GRXCR1: variants seen among roughly 807,000 people sequenced by gnomAD.
GRXCR1 encodes the protein glutaredoxin and cysteine rich domain containing 1.
Under a neutral mutation model 27.3 loss-of-function variants are expected in GRXCR1, and 27 were observed. The ratio of observed to expected loss-of-function variants is 0.99; its 90% CI spans 0.73 to 1.37. The LOEUF (loss-of-function observed/expected upper bound fraction) is 1.37, where lower values mean the gene tolerates loss of function less well. GRXCR1 is among the 40% of genes most tolerant of loss of function. The pLI is 0.00. For synonymous variants in GRXCR1, 122 were observed against 131.1 expected (o/e 0.93, Z 0.47); for missense variants, 379 against 354.4 (o/e 1.07, Z -0.56).
chr4:42,952,339 C>T (rs1747903402), intron 1 of GRXCR1, among the ~76,000 whole-genome samples: 1 of 152,076 alleles, frequency 6.6e-6, no homozygotes. Context: ...AAGAAGAAGG[C>T]AGCTGAGAGC....
At position 42,903,469 on chromosome 4, in the gene GRXCR1, G is replaced by A. The variant is rs1048618444; in HGVS notation, c.384+9819G>A. Reference sequence around the variant, plus strand: ...TGGGACTACAGGCACCCACCACCACGCCAGGCTAATTTTTTGTATTTTTTA... The same window carrying A: ...TGGGACTACAGGCACCCACCACCACACCAGGCTAATTTTTTGTATTTTTTA... On this transcript the variant is annotated intron_variant, in intron 1 of 3. Transcript: ENST00000399770. Among the ~76,000 whole-genome samples the A allele has an allele frequency of 1.2e-4, 17 of 145,716 alleles. 1 individual carries two copies. Among genetic ancestry groups the A allele is most frequent in the Admixed American group, 2.9e-4 (4 of 13,772 alleles).
At chr4:42,931,815 T>C (rs897858638) in intron 1 of GRXCR1, among the ~76,000 whole-genome samples, 1 of 151,948 alleles carries the variant, frequency 6.6e-6, no homozygotes, top group African/African-American at 2.4e-5. Context: ...ATTAGTCTTT[T>C]CTCACGCTGC....
At chr4:42,917,715 C>T (rs1048688642) in intron 1 of GRXCR1, among the ~76,000 whole-genome samples, 3 of 152,040 alleles carry the variant, frequency 2.0e-5, no homozygotes, top group African/African-American at 7.2e-5. Context: ...GAAAGGCTAC[C>T]TTAGTATTTC....
At chr4:42,894,950 A>T (rs1746315217) in intron 1 of GRXCR1, among the ~76,000 whole-genome samples, 1 of 152,148 alleles carries the variant, frequency 6.6e-6, no homozygotes, top group Non-Finnish European at 1.5e-5. Context: ...ATTCATTATG[A>T]TTAACTTAGT....
At chr4:42,999,954 A>G (rs1370007636) in intron 2 of GRXCR1, among the ~76,000 whole-genome samples, 1 of 152,238 alleles carries the variant, frequency 6.6e-6, no homozygotes, top group Non-Finnish European at 1.5e-5. Context: ...AGTATTCCCC[A>G]AACAATCCAA....
intron 2 of GRXCR1, among the ~76,000 whole-genome samples, chr4:42,966,774 G>T (rs747640892): frequency 2.6e-5 from 4 of 151,976 alleles, no homozygotes; most frequent in Non-Finnish European, 4.4e-5. Context: ...GCTTTAATTT[G>T]CCTTTCCCTA....
chr4:42,981,335 C>T (rs1748662549), intron 2 of GRXCR1, among the ~76,000 whole-genome samples: 1 of 152,090 alleles, frequency 6.6e-6, no homozygotes, highest in Non-Finnish European at 1.5e-5. Context: ...TTTTACTCCA[C>T]AATGTGCCCC....
Position 42,898,780 on chromosome 4 carries a change from G to A in GRXCR1, c.384+5130G>A, listed in dbSNP as rs189043568. ...AACATTAATTTATAGGATTTAAAAT[G>A]TTATGTATCCTGAGAAATTCTTATG... On this transcript the variant is annotated intron_variant, in intron 1 of 3. Transcript: ENST00000399770. 1.1e-3 allele frequency among the ~76,000 whole-genome samples: 166 copies of A among 151,656 alleles called. 1 individual carries two copies. The highest frequency in any genetic ancestry group is 4.0e-3 in the African/African-American group (163 of 41,230).
At chr4:42,931,079 C>A (rs1404087205) in intron 1 of GRXCR1, among the ~76,000 whole-genome samples, 1 of 151,500 alleles carries the variant, frequency 6.6e-6, no homozygotes, top group Non-Finnish European at 1.5e-5. Context: ...TCCCTTTTTA[C>A]AAATGGCACT....
intron 2 of GRXCR1, among the ~76,000 whole-genome samples, chr4:43,005,573 C>G (rs910589510): frequency 5.9e-5 from 9 of 152,236 alleles, no homozygotes; most frequent in Middle Eastern, 3.4e-3. Context: ...ATTACCACGG[C>G]AAGATGAGAG....
chr4:42,972,345 T>C (rs1234112387), intron 2 of GRXCR1, among the ~76,000 whole-genome samples: 3 of 152,164 alleles, frequency 2.0e-5, no homozygotes, highest in Non-Finnish European at 4.4e-5. Flanking sequence ...TTTTATTGTT[T>C]TGGATCTTAT....
intron 1 of GRXCR1, among the ~76,000 whole-genome samples, chr4:42,919,038 G>A (rs1746948491): frequency 6.6e-6 from 1 of 152,080 alleles, no homozygotes; most frequent in Non-Finnish European, 1.5e-5. Context: ...ATAATAGCCA[G>A]CATAACCATT....
chr4:43,026,036 G>A (rs1713249468), intron 3 of GRXCR1, among the ~76,000 whole-genome samples: 1 of 138,380 alleles, frequency 7.2e-6, no homozygotes, highest in Non-Finnish European at 1.6e-5. Context: ...TAGTAATGAA[G>A]CCTGTTTTGT....
At chr4:42,903,763 A>G (rs1746522725) in intron 1 of GRXCR1, among the ~76,000 whole-genome samples, 1 of 128,352 alleles carries the variant, frequency 7.8e-6, no homozygotes, top group Non-Finnish European at 1.7e-5. Context: ...ATTTTTTTTC[A>G]GGGAATATTT....
chr4:42,994,114 T>C (rs1188667764), intron 2 of GRXCR1, among the ~76,000 whole-genome samples: 1 of 152,104 alleles, frequency 6.6e-6, no homozygotes, highest in East Asian at 1.9e-4. Context: ...TGGTTCTTTA[T>C]AGAGGATGCA....
chr4:42,922,491 C>T (rs964658670), intron 1 of GRXCR1, among the ~76,000 whole-genome samples: 2 of 152,160 alleles, frequency 1.3e-5, no homozygotes, highest in Middle Eastern at 3.2e-3. Flanking sequence ...GCTCTGGAAG[C>T]AGGCTTGGGC....
chr4:42,971,575 G>T (rs367934126), intron 2 of GRXCR1, among the ~76,000 whole-genome samples: 40 of 151,982 alleles, frequency 2.6e-4, no homozygotes, highest in African/African-American at 9.4e-4. Context: ...GTGAGTGAAG[G>T]GAAAAGTTCC....
At chr4:42,985,294 G>A (rs1898242) in intron 2 of GRXCR1, among the ~76,000 whole-genome samples, 1 of 151,962 alleles carries the variant, frequency 6.6e-6, no homozygotes, top group South Asian at 2.1e-4. Flanking sequence ...TTTGATTGAA[G>A]AAAAAATGTA....
At chr4:42,912,882 G>A (rs1746755946) in intron 1 of GRXCR1, among the ~76,000 whole-genome samples, 1 of 152,096 alleles carries the variant, frequency 6.6e-6, no homozygotes, top group Non-Finnish European at 1.5e-5. Context: ...AATCATGGGA[G>A]CAGTTTCCCC....
Sources: gnomAD v4.1 joint callset for allele counts (sites outside exome capture counted in the v4.1 genomes callset) on GRCh38, gnomAD v4.1.1 for gene constraint, MANE v1.5 for transcripts, NCBI Gene and HGNC (gene_info 2026-07-23, HGNC 2026-07-21) for gene names.